Variants in STAT5B observed in about 807,000 individuals in gnomAD.
STAT5B encodes signal transducer and activator of transcription 5B, also known as transcription factor STAT5B.
STAT5B carries 21 observed loss-of-function variants against 107.8 expected under a neutral mutation model. The ratio of observed to expected loss-of-function variants is 0.19; its 90% CI spans 0.14 to 0.28. The LOEUF is 0.28. Ranked by LOEUF, STAT5B falls within the 10% of genes least tolerant of loss-of-function variation. The pLI is 1.00. For synonymous variants in STAT5B, 325 were observed against 401.7 expected, an observed-to-expected ratio of 0.81 and a Z score of 2.28; for missense variants, 565 against 1,008.2, an observed-to-expected ratio of 0.56 and a Z score of 5.95.
chr17:42,228,447 A>G (rs907575700), intron 2 of STAT5B, among the ~76,000 whole-genome samples: 4 of 152,012 alleles, frequency 2.6e-5, no homozygotes, highest in Non-Finnish European at 5.9e-5. Context: ...TTAGGCAACA[A>G]TTGACACTGG....
At chr17:42,237,024 G>A (rs532251179) in intron 1 of STAT5B, among the ~76,000 whole-genome samples, 39 of 152,154 alleles carry the variant, frequency 2.6e-4, no homozygotes, top group Admixed American at 2.0e-3. Context: ...TAAAGACTGG[G>A]AAATGGATTC....
chr17:42,253,851 T>C (rs1598331024), intron 1 of STAT5B, among the ~76,000 whole-genome samples: 1 of 152,194 alleles, frequency 6.6e-6, no homozygotes, highest in Admixed American at 6.5e-5. Context: ...TGGTTTTGGA[T>C]AATTTCTCAT....
At chr17:42,273,818 A>G (rs1268249411) in intron 1 of STAT5B, among the ~76,000 whole-genome samples, 1 of 152,210 alleles carries the variant, frequency 6.6e-6, no homozygotes, top group Non-Finnish European at 1.5e-5. Flanking sequence ...AAAATTACAG[A>G]CAATTTGAAT....
intron 5 of STAT5B, among the ~76,000 whole-genome samples, chr17:42,222,122 GGGGT>G (rs1375747268): frequency 6.9e-6 from 1 of 144,512 alleles, no homozygotes; most frequent in African/African-American, 2.6e-5. Flanking sequence ...TGTGCTGTGG[GGGGT>G]GTGTGTGCTG....
chr17:42,268,032 GAAAC>G (rs1013240443), intron 1 of STAT5B, among the ~76,000 whole-genome samples: 1 of 150,416 alleles, frequency 6.6e-6, no homozygotes, highest in African/African-American at 2.4e-5. Flanking sequence ...ATTGAAGAAA[GAAAC>G]AATTTTCAAA....
At chr17:42,245,073 ATTTTTTT>A (rs745914040) in intron 1 of STAT5B, among the ~76,000 whole-genome samples, 13 of 105,476 alleles carry the variant, frequency 1.2e-4, no homozygotes, top group Admixed American at 9.7e-4. Flanking sequence ...TGCCTGGCTA[ATTTTTTT>A]TTTTTTTTTT....
At chr17:42,220,693 G>C (rs1008949414) in intron 5 of STAT5B, among the ~76,000 whole-genome samples, 2 of 152,174 alleles carry the variant, frequency 1.3e-5, no homozygotes, top group African/African-American at 4.8e-5. Context: ...ATTCTCTCAG[G>C]AAAGGGAGGC....
At chr17:42,230,443 G>A (rs1434687102) in intron 2 of STAT5B, among the ~76,000 whole-genome samples, 3 of 152,164 alleles carry the variant, frequency 2.0e-5, no homozygotes, top group African/African-American at 7.2e-5. Context: ...CTTGAGCAGA[G>A]CAGTGTACAT....
At chr17:42,202,944 T>C (rs1378416955) in intron 16 of STAT5B, 136 bp from the exon 17 acceptor site, 3 of 1,219,520 alleles carry the variant, frequency 2.5e-6, no homozygotes, top group African/African-American at 3.0e-5. Context: ...GCACTTAATA[T>C]TTTTTTGTTT....
chr17:42,239,773 TCCAG>T (rs1278665860), intron 1 of STAT5B, among the ~76,000 whole-genome samples: 1 of 152,184 alleles, frequency 6.6e-6, no homozygotes, highest in Admixed American at 6.5e-5. Context: ...TACTACATTA[TCCAG>T]TAGTTCCACT....
chr17:42,280,909 T>C (rs1368000253), upstream of STAT5B, among the ~76,000 whole-genome samples: 1 of 151,550 alleles, frequency 6.6e-6, no homozygotes, highest in African/African-American at 2.4e-5. Context: ...CCGAGGCGGG[T>C]GGGTCAGGAG....
At chr17:42,274,882 A>G (rs1234819418) in intron 1 of STAT5B, 1 of 152,236 alleles carries the variant, frequency 6.6e-6, no homozygotes, top group East Asian at 1.9e-4. Flanking sequence ...CGGCTATCCA[A>G]CAGCTTTGGA....
chr17:42,283,836 G>A, the STAT5B span, among the ~76,000 whole-genome samples: 1 of 152,122 alleles, frequency 6.6e-6, no homozygotes, highest in Non-Finnish European at 1.5e-5. Flanking sequence ...GGCCTCAGAG[G>A]TGGGGTATAC....
At chr17:42,215,985 G>A (rs750389746) in intron 12 of STAT5B, 29 bp downstream of exon 12, 3 of 1,608,006 alleles carry the variant, frequency 1.9e-6, no homozygotes, top group Non-Finnish European at 1.7e-6. Context: ...ATTGATTTTG[G>A]GACCCACATG....
At chr17:42,254,105 T>A (rs1343529895) in intron 1 of STAT5B, among the ~76,000 whole-genome samples, 2 of 152,034 alleles carry the variant, frequency 1.3e-5, no homozygotes, top group African/African-American at 4.8e-5. Flanking sequence ...CAAGAGGCTC[T>A]AAAGGAGTCC....
chr17:42,250,268 G>A (rs535100414), intron 1 of STAT5B, among the ~76,000 whole-genome samples: 59 of 152,260 alleles, frequency 3.9e-4, no homozygotes, highest in African/African-American at 7.5e-4. Flanking sequence ...GTTCTAAAAT[G>A]TCTGGGCTTT....
At chr17:42,278,191 G>A (rs1028129364), upstream of STAT5B, among the ~76,000 whole-genome samples, 2 of 152,016 alleles carry the variant, frequency 1.3e-5, no homozygotes, top group East Asian at 1.9e-4. Flanking sequence ...GTTTCCCACC[G>A]CGTTATTCAT....
chr17:42,218,439 G>A (rs1316854045), intron 8 of STAT5B, 109 bp from the exon 9 acceptor site: 2 of 1,504,892 alleles, frequency 1.3e-6, no homozygotes, highest in East Asian at 2.3e-5. Flanking sequence ...CTCAGGAGGT[G>A]AAGAGCTCGG....
chr17:42,270,370 T>A (rs1417212744), intron 1 of STAT5B: 1 of 152,178 alleles, frequency 6.6e-6, no homozygotes, highest in East Asian at 1.9e-4. Context: ...GAGTTCTCAG[T>A]ACAGACGTGC....
Sources: gnomAD v4.1 joint callset for allele counts (sites outside exome capture counted in the v4.1 genomes callset) on GRCh38, gnomAD v4.1.1 for gene constraint, MANE v1.5 for transcripts, NCBI Gene and HGNC (gene_info 2026-07-23, HGNC 2026-07-21) for gene names.